Variants in CACNA1B observed in about 807,000 individuals in gnomAD.
CACNA1B encodes voltage-dependent N-type calcium channel subunit alpha-1B.
In CACNA1B, 70 loss-of-function variants were observed where a neutral mutation model predicts 247.2. The ratio of observed to expected loss-of-function variants is 0.28; its 90% CI spans 0.23 to 0.35. CACNA1B has a LOEUF of 0.35. Ranked by LOEUF, CACNA1B falls within the 10% of genes least tolerant of loss-of-function variation. The pLI is 1.00. For synonymous variants in CACNA1B, 1,231 were observed against 1,294.4 expected, an observed-to-expected ratio of 0.95 and a Z score of 1.05; for missense variants, 2,367 against 3,197.4, an observed-to-expected ratio of 0.74 and a Z score of 6.26.
intron 21 of CACNA1B, among the ~76,000 whole-genome samples, chr9:138,045,741 G>A (rs1034565087): frequency 1.3e-5 from 2 of 152,184 alleles, no homozygotes; most frequent in African/African-American, 4.8e-5. Context: ...AGAAGGAAAG[G>A]CAGGGGAAGT....
At chr9:137,893,478 A>G (rs1463061866) in intron 3 of CACNA1B, among the ~76,000 whole-genome samples, 6 of 151,450 alleles carry the variant, frequency 4.0e-5, no homozygotes, top group East Asian at 3.9e-4. Context: ...GTGAAACCCC[A>G]TCTCTACTAA....
intron 6 of CACNA1B, among the ~76,000 whole-genome samples, chr9:137,936,109 G>A (rs536218667): frequency 1.5e-3 from 223 of 152,240 alleles, no homozygotes; most frequent in Non-Finnish European, 2.6e-3. Flanking sequence ...CGCCCGCCTC[G>A]GCCTCCCAAA....
rs201388227 is a variant in CACNA1B, at chr9:138,122,028, T to C, written c.*29T>C. ...CACCGTGACCGCTCAGACGCCTGCA[T>C]GCAGCAGGCGTGTGTTCCAGTGGAT... On this transcript the variant is annotated 3_prime_UTR_variant, in exon 47 of 47. Coordinates refer to ENST00000371372, the MANE Select transcript of CACNA1B (RefSeq NM_000718.4). 68 of 1,565,522 alleles carry C rather than the reference T, an allele frequency of 4.3e-5. No homozygotes were observed. In the African/African-American group the frequency reaches 8.5e-4, roughly 20 times the overall value.
intron 20 of CACNA1B, among the ~76,000 whole-genome samples, chr9:138,026,985 T>C (rs1178596299): frequency 6.6e-6 from 1 of 152,238 alleles, no homozygotes; most frequent in Non-Finnish European, 1.5e-5. Context: ...TGTAATGATA[T>C]CTTGTTTATT....
rs1398795398 is a variant in CACNA1B, at chr9:137,974,860, C to T, written c.1544-1047C>T. ...GGCTCTGCCCTGGGCTCTGTTGCCT[C>T]CCTAGCCCCTGCTGACCTGGCAGAG... On this transcript the variant is annotated intron_variant, in intron 11 of 46. Coordinates refer to ENST00000371372, the MANE Select transcript of CACNA1B (RefSeq NM_000718.4). This position sits in a 1 kb window ranked among gnomAD's most constrained non-coding sequence, Gnocchi z 4.5. Among the ~76,000 whole-genome samples, 3 of 152,244 alleles carry T rather than the reference C, an allele frequency of 2.0e-5. No individual in the cohort carries two copies. The highest frequency in any genetic ancestry group is 1.3e-4 in the Admixed American group (2 of 15,292).
chr9:138,038,276 C>T (rs1959071154), intron 20 of CACNA1B, among the ~76,000 whole-genome samples: 1 of 152,176 alleles, frequency 6.6e-6, no homozygotes, highest in Non-Finnish European at 1.5e-5. Context: ...TCTCACAGGC[C>T]TGGAGTAGAG....
intron 21 of CACNA1B, 150 bp downstream of exon 21, chr9:138,044,050 C>A: frequency 9.3e-7 from 1 of 1,080,524 alleles, no homozygotes; most frequent in Non-Finnish European, 1.3e-6. Context: ...GGCACGTGCC[C>A]GTGTGACCTC....
intron 6 of CACNA1B, among the ~76,000 whole-genome samples, chr9:137,925,071 G>A (rs1040725444): frequency 2.9e-4 from 44 of 152,228 alleles, no homozygotes; most frequent in African/African-American, 1.0e-3. Context: ...AGTGTTGGGA[G>A]CCCATCCTAG....
Position 137,913,318 on chromosome 9 carries a change from C to T in CACNA1B, c.622+47C>T, listed in dbSNP as rs574528027. The T allele has an allele frequency of 1.5e-6, 2 of 1,377,398 alleles. No individual in the cohort carries two copies. The highest frequency in any genetic ancestry group is 2.4e-5 in the South Asian group (2 of 84,846). The allele number at this position is 1,377,398 out of a possible 1,614,324, so 85.3% of individuals were successfully genotyped here. A position where few individuals can be genotyped will look rare whatever the true frequency, so the allele number is the denominator to read the frequency against. ...CCAAGCCGGCTTGGAGTAACAACCTCCTCTCCTACCCTCACCACGGACATG... is the reference window on the plus strand; with the variant it reads ...CCAAGCCGGCTTGGAGTAACAACCTTCTCTCCTACCCTCACCACGGACATG... On this transcript the variant is annotated intron_variant, in intron 4 of 46. Coordinates refer to ENST00000371372, the MANE Select transcript of CACNA1B (RefSeq NM_000718.4). This position sits in a 1 kb window ranked among gnomAD's most constrained non-coding sequence, Gnocchi z 5.2.
chr9:137,954,756 T>TA lies in CACNA1B; in HGVS notation c.1071-942_1071-941insA, dbSNP rs1329614469. Reference sequence around the variant, plus strand: ...CTCAGTGCCTAGCGGACACTGGCCCTGCGCCCAGGGTCAGTCACGGTCAGA... The same window carrying TA: ...CTCAGTGCCTAGCGGACACTGGCCCTAGCGCCCAGGGTCAGTCACGGTCAGA... On this transcript the variant is annotated intron_variant, in intron 7 of 46. Coordinates refer to ENST00000371372, the MANE Select transcript of CACNA1B (RefSeq NM_000718.4). The surrounding 1 kb of genome is among the most constrained non-coding windows in gnomAD (Gnocchi z 4.1). 1.3e-5 allele frequency among the ~76,000 whole-genome samples: 2 copies of TA among 152,000 alleles called. No individual in the cohort carries two copies. Among genetic ancestry groups the TA allele is most frequent in the Non-Finnish European group, 2.9e-5 (2 of 67,984 alleles).
intron 1 of CACNA1B, 80 bp downstream of exon 1, chr9:137,878,297 C>A: frequency 8.8e-7 from 1 of 1,136,224 alleles, no homozygotes; most frequent in Non-Finnish European, 1.1e-6. Flanking sequence ...TCCCGGTGGC[C>A]GGGAGGGCGC....
chr9:137,915,669 T>C (rs762795677), intron 5 of CACNA1B, among the ~76,000 whole-genome samples: 1 of 152,050 alleles, frequency 6.6e-6, no homozygotes, highest in African/African-American at 2.4e-5. Context: ...TAAAAGAGAA[T>C]TTTCTTAAAT....
At chr9:137,922,959 C>T (rs1957504333) in intron 6 of CACNA1B, among the ~76,000 whole-genome samples, 1 of 152,186 alleles carries the variant, frequency 6.6e-6, no homozygotes, top group African/African-American at 2.4e-5. Flanking sequence ...CTCCTTAATC[C>T]CCGGCAACCA....
At position 137,975,771 on chromosome 9, in the gene CACNA1B, A is replaced by G. The variant is rs956041286; in HGVS notation, c.1544-136A>G. On this transcript the variant is annotated intron_variant, in intron 11 of 46. Transcript: ENST00000371372. ...CGTTCCTTTCCTAGGCTGAGACTTC[A>G]GAGCATAGGACCATAGGCCAGGCCT... 1.8e-5 allele frequency: 12 copies of G among 679,768 alleles called. No individual in the cohort carries two copies. The East Asian group carries it at 3.0e-4, about 17-fold the overall frequency. 42.1% of individuals were successfully genotyped at this position (679,768 alleles called of 1,614,324 possible).
At chr9:137,901,480 C>G (rs1273148711) in intron 3 of CACNA1B, among the ~76,000 whole-genome samples, 1 of 151,520 alleles carries the variant, frequency 6.6e-6, no homozygotes, top group Non-Finnish European at 1.5e-5. Flanking sequence ...CGCATACCAC[C>G]AAGCCCAGCT....
intron 20 of CACNA1B, among the ~76,000 whole-genome samples, chr9:138,030,177 G>C (rs764257218): frequency 6.6e-6 from 1 of 152,050 alleles, no homozygotes; most frequent in Admixed American, 6.5e-5. Flanking sequence ...TCATCATTTA[G>C]TATGATATTA....
At chr9:138,030,262 G>A (rs936438871) in intron 20 of CACNA1B, among the ~76,000 whole-genome samples, 3 of 151,694 alleles carry the variant, frequency 2.0e-5, no homozygotes, top group Non-Finnish European at 2.9e-5. Context: ...TTATCAAGTT[G>A]AGAAAGTTCC....
At chr9:138,099,098 G>C (rs1961155311) in intron 37 of CACNA1B, among the ~76,000 whole-genome samples, 1 of 152,260 alleles carries the variant, frequency 6.6e-6, no homozygotes, top group Non-Finnish European at 1.5e-5. Context: ...AATTTTATGA[G>C]ATTTCCTGAG....
intron 10 of CACNA1B, among the ~76,000 whole-genome samples, chr9:137,969,415 T>C (rs1564213204): frequency 6.6e-6 from 1 of 152,074 alleles, no homozygotes; most frequent in Admixed American, 6.6e-5. Flanking sequence ...AAGATGTGTG[T>C]GTGTGGGGGG....
Sources: gnomAD v4.1 joint callset for allele counts (sites outside exome capture counted in the v4.1 genomes callset) on GRCh38, gnomAD v4.1.1 for gene constraint, Gnocchi (gnomAD v3.1) non-coding constraint, MANE v1.5 for transcripts, NCBI Gene and HGNC (gene_info 2026-07-23, HGNC 2026-07-21) for gene names.